TRIQK: variants seen among roughly 807,000 people sequenced by gnomAD.
The protein encoded by TRIQK is triple QxxK/R motif containing.
In TRIQK, 10 loss-of-function variants were observed where a neutral mutation model predicts 10.8. The ratio of observed to expected loss-of-function variants is 0.92; its 90% CI spans 0.57 to 1.57. The LOEUF is 1.57. Among genes scored for constraint, TRIQK ranks in the 40% most tolerant of loss-of-function variants. TRIQK has a pLI of 0.00. For synonymous variants in TRIQK, 33 were observed against 33.7 expected, an observed-to-expected ratio of 0.98 and a Z score of 0.07; for missense variants, 107 against 97.7, an observed-to-expected ratio of 1.09 and a Z score of -0.40.
chr8:92,981,809 A>G (rs1472303001), intron 1 of TRIQK, among the ~76,000 whole-genome samples: 1 of 151,720 alleles, frequency 6.6e-6, no homozygotes, highest in Non-Finnish European at 1.5e-5. Context: ...AGTCTTCTAA[A>G]TTTTCTCATA....
chr8:92,930,175 T>C (rs2130545166), intron 2 of TRIQK, among the ~76,000 whole-genome samples: 1 of 151,360 alleles, frequency 6.6e-6, no homozygotes, highest in South Asian at 2.1e-4. Flanking sequence ...GTCGGGAGTT[T>C]GATATCAGCC....
chr8:92,989,900 C>T (rs916666644), intron 1 of TRIQK, among the ~76,000 whole-genome samples: 10 of 151,400 alleles, frequency 6.6e-5, no homozygotes, highest in African/African-American at 2.2e-4. Context: ...TTTACAGAAA[C>T]CTCATTTGTT....
At chr8:92,902,920 G>A (rs761605395) in intron 3 of TRIQK, among the ~76,000 whole-genome samples, 24 of 151,724 alleles carry the variant, frequency 1.6e-4, no homozygotes, top group Non-Finnish European at 2.8e-4. Flanking sequence ...CTAGATTAAT[G>A]TTTTAATGGT....
chr8:92,918,248 A>G (rs1809972069), intron 2 of TRIQK, among the ~76,000 whole-genome samples: 1 of 152,048 alleles, frequency 6.6e-6, no homozygotes, highest in African/African-American at 2.4e-5. Flanking sequence ...CAGGAGTAGG[A>G]TATCTGGATC....
chr8:92,966,878 A>G (rs1812769296), upstream of TRIQK, among the ~76,000 whole-genome samples: 1 of 147,888 alleles, frequency 6.8e-6, no homozygotes, highest in Non-Finnish European at 1.5e-5. Context: ...AAATTATGCA[A>G]CCTCCAATTT....
At position 92,932,953 on chromosome 8, in the gene TRIQK, G is replaced by A. The variant is rs375481734; in HGVS notation, c.-21-15943C>T. ...GACACACAGATATTTACGGTTTAGC[G>A]TGTGTTTTCCCTGCTCCTGCCCTGG... On this transcript the variant is annotated intron_variant, in intron 2 of 4. Coordinates refer to ENST00000521988, the MANE Select transcript of TRIQK (RefSeq NM_001171797.2). Among the ~76,000 whole-genome samples, 6 of 151,980 alleles carry A rather than the reference G, an allele frequency of 3.9e-5. No individual in the cohort carries two copies. The South Asian group carries it at 6.2e-4, about 16-fold the overall frequency.
At chr8:93,010,638 C>T (rs545718028) in intron 1 of TRIQK, among the ~76,000 whole-genome samples, 9 of 152,076 alleles carry the variant, frequency 5.9e-5, no homozygotes, top group East Asian at 3.9e-4. Flanking sequence ...ATTCTAGTTT[C>T]GCATCCATTT....
intron 1 of TRIQK, among the ~76,000 whole-genome samples, chr8:92,978,182 G>A (rs1812951762): frequency 6.6e-6 from 1 of 152,040 alleles, no homozygotes; most frequent in Non-Finnish European, 1.5e-5. Flanking sequence ...CTTTGACTTT[G>A]CCAGACTCCC....
intron 1 of TRIQK, among the ~76,000 whole-genome samples, chr8:92,996,942 G>C (rs1813157502): frequency 1.3e-5 from 2 of 151,926 alleles, no homozygotes; most frequent in Non-Finnish European, 2.9e-5. Context: ...CAGTGAAGTG[G>C]GGAGTAATCA....
chr8:92,985,325 A>T (rs1055144938), intron 1 of TRIQK, among the ~76,000 whole-genome samples: 3 of 152,184 alleles, frequency 2.0e-5, no homozygotes, highest in Non-Finnish European at 4.4e-5. Flanking sequence ...ATTGCTCATT[A>T]TTTAGTCAGT....
intron 4 of TRIQK, 62 bp downstream of exon 4, chr8:92,891,927 A>T (rs926619914): frequency 6.1e-6 from 7 of 1,141,060 alleles, no homozygotes; most frequent in Non-Finnish European, 8.6e-6. Context: ...TATGCAATCC[A>T]GTTTTAGAAA....
chr8:93,001,054 T>G (rs1479102402), intron 1 of TRIQK, among the ~76,000 whole-genome samples: 1 of 152,120 alleles, frequency 6.6e-6, no homozygotes, highest in Non-Finnish European at 1.5e-5. Flanking sequence ...ATGCCTGTAA[T>G]CCCAGCACTT....
intron 2 of TRIQK, chr8:92,921,773 C>T (rs989951414): frequency 1.1e-4 from 17 of 151,760 alleles, no homozygotes; most frequent in African/African-American, 4.1e-4. Context: ...TAGATGTTTC[C>T]ATATAAACTG....
At chr8:92,989,752 C>A (rs1813077048) in intron 1 of TRIQK, among the ~76,000 whole-genome samples, 1 of 152,084 alleles carries the variant, frequency 6.6e-6, no homozygotes. Flanking sequence ...CATCCCTCAG[C>A]CTGGTCCATG....
intron 1 of TRIQK, among the ~76,000 whole-genome samples, chr8:93,003,917 G>T (rs1290047531): frequency 6.6e-6 from 1 of 152,176 alleles, no homozygotes; most frequent in African/African-American, 2.4e-5. Flanking sequence ...GTTGCAGGGG[G>T]TGTGATCCCA....
chr8:92,999,128 T>C (rs1049797022), intron 1 of TRIQK, among the ~76,000 whole-genome samples: 3 of 152,140 alleles, frequency 2.0e-5, no homozygotes, highest in Non-Finnish European at 4.4e-5. Flanking sequence ...TATCTCCAAC[T>C]TCAGGTTGTT....
At chr8:93,015,457 GC>G (rs1813375244) in intron 1 of TRIQK, among the ~76,000 whole-genome samples, 1 of 144,870 alleles carries the variant, frequency 6.9e-6, no homozygotes, top group South Asian at 2.2e-4. Context: ...AAAAGCATAA[GC>G]TTTTTTTTTT....
chr8:93,003,636 A>T (rs1165909294), intron 1 of TRIQK, among the ~76,000 whole-genome samples: 1 of 152,122 alleles, frequency 6.6e-6, no homozygotes, highest in African/African-American at 2.4e-5. Context: ...TCCAATATTA[A>T]CTTAAAAGTC....
intron 2 of TRIQK, among the ~76,000 whole-genome samples, chr8:92,931,632 C>T (rs1046334899): frequency 2.0e-5 from 3 of 152,162 alleles, no homozygotes; most frequent in African/African-American, 7.2e-5. Context: ...AAGAGACATG[C>T]TTATCAATCA....
Sources: allele counts gnomAD v4.1 joint callset (sites outside exome capture counted in the v4.1 genomes callset), GRCh38; gene constraint gnomAD v4.1.1; transcripts MANE v1.5; gene names NCBI Gene and HGNC (gene_info 2026-07-23, HGNC 2026-07-21).